Variants in OXR1 observed in about 807,000 individuals in gnomAD.
The protein encoded by OXR1 is oxidation resistance 1, also known as oxidation resistance protein 1.
A neutral mutation model predicts 104.6 loss-of-function variants in OXR1; 41 were observed. The ratio of observed to expected loss-of-function variants is 0.39; its 90% CI spans 0.31 to 0.51. The LOEUF is 0.51. Ranked by LOEUF, OXR1 falls within the 20% of genes least tolerant of loss-of-function variation. The probability of loss-of-function intolerance (pLI) is 0.77; values close to 1 mark genes in which losing one functional copy is unlikely to be tolerated. For missense variants in OXR1, 955 were observed against 1,031.9 expected (o/e 0.93, Z 1.02); for synonymous variants, 348 against 348.4 (o/e 1.00, Z 0.01).
chr8:106,552,307 C>A (rs1815904316), intron 3 of OXR1, among the ~76,000 whole-genome samples: 3 of 152,024 alleles, frequency 2.0e-5, no homozygotes, highest in South Asian at 4.2e-4. Flanking sequence ...GATGAGAAAC[C>A]AGATGATGCT....
chr8:106,316,713 CTATCATCTATCT>C (rs1421216426), intron 1 of OXR1, among the ~76,000 whole-genome samples: 10,288 of 113,386 alleles, frequency 0.091, 607 homozygotes, highest in African/African-American at 0.18. Flanking sequence ...ATCTATCTAT[CTATCATCTATCT>C]ATCTATCTAT....
chr8:106,281,409 C>T (rs1382732702), intron 1 of OXR1, among the ~76,000 whole-genome samples: 2 of 152,144 alleles, frequency 1.3e-5, no homozygotes, highest in Non-Finnish European at 2.9e-5. Context: ...TTTTATAGAC[C>T]TCACCACTGT....
intron 15 of OXR1, among the ~76,000 whole-genome samples, chr8:106,743,495 A>G (rs1835111534): frequency 6.6e-6 from 1 of 152,068 alleles, no homozygotes; most frequent in Non-Finnish European, 1.5e-5. Flanking sequence ...TAATTTTTGT[A>G]TTTTTAGTAG....
intron 2 of OXR1, among the ~76,000 whole-genome samples, chr8:106,411,819 C>T (rs1220092137): frequency 6.6e-6 from 1 of 152,078 alleles, no homozygotes; most frequent in Non-Finnish European, 1.5e-5. Flanking sequence ...GGGCCCCACC[C>T]ATTCAGGACT....
At chr8:106,627,221 G>A (rs1403853089) in intron 3 of OXR1, among the ~76,000 whole-genome samples, 4 of 152,158 alleles carry the variant, frequency 2.6e-5, no homozygotes, top group Non-Finnish European at 5.9e-5. Context: ...TGTTACATAA[G>A]AGAACATTCC....
chr8:106,379,039 G>A (rs10090538), intron 2 of OXR1, among the ~76,000 whole-genome samples: 6,515 of 152,206 alleles, frequency 0.043, 197 homozygotes, highest in African/African-American at 0.084. Flanking sequence ...TAAGTTAGCC[G>A]TAATTATGAC....
intron 2 of OXR1, among the ~76,000 whole-genome samples, chr8:106,396,926 G>C (rs967874195): frequency 6.6e-6 from 1 of 151,988 alleles, no homozygotes; most frequent in Non-Finnish European, 1.5e-5. Context: ...AAAAACAAAT[G>C]AATGCTGTGT....
At chr8:106,458,568 G>A (rs1820735056) in intron 2 of OXR1, among the ~76,000 whole-genome samples, 1 of 152,152 alleles carries the variant, frequency 6.6e-6, no homozygotes, top group African/African-American at 2.4e-5. Flanking sequence ...GGAGCCATGA[G>A]AGTGGGGCCA....
intron 3 of OXR1, among the ~76,000 whole-genome samples, chr8:106,649,089 C>T (rs1824324585): frequency 6.6e-6 from 1 of 152,080 alleles, no homozygotes; most frequent in Admixed American, 6.6e-5. Flanking sequence ...CCTATGGTCC[C>T]AGCTACTTAG....
At chr8:106,644,285 A>G (rs1323920248) in intron 3 of OXR1, among the ~76,000 whole-genome samples, 1 of 152,230 alleles carries the variant, frequency 6.6e-6, no homozygotes, top group Non-Finnish European at 1.5e-5. Flanking sequence ...GAATATAGAC[A>G]TGGCAAGAGA....
chr8:106,531,260 C>A (rs887600555), intron 3 of OXR1, among the ~76,000 whole-genome samples: 3 of 152,230 alleles, frequency 2.0e-5, no homozygotes, highest in South Asian at 2.1e-4. Flanking sequence ...ACTCTTTTAA[C>A]TAATGTAACA....
At chr8:106,503,752 G>A (rs1811968065) in intron 2 of OXR1, among the ~76,000 whole-genome samples, 1 of 152,094 alleles carries the variant, frequency 6.6e-6, no homozygotes, top group Non-Finnish European at 1.5e-5. Flanking sequence ...GGCAAGATGT[G>A]GCCTTACAAG....
chr8:106,735,281 G>A (rs1185202364), intron 11 of OXR1, among the ~76,000 whole-genome samples: 4 of 151,346 alleles, frequency 2.6e-5, no homozygotes, highest in Non-Finnish European at 4.4e-5. Context: ...TAAGGTTAAG[G>A]AAGCAGAAAG....
rs142428666 is a variant in OXR1 at position 106,507,066 on chromosome 8, C to T, written c.24-11877C>T. ...AACAGCTGCCCTCCAGCCTAGGAGA[C>T]ACAGTGAGAGCCTGTCTCTTAAAAA... On this transcript the variant is annotated intron_variant, in intron 2 of 16. Coordinates refer to ENST00000517566, the MANE Select transcript of OXR1 (RefSeq NM_001198533.2). Among the ~76,000 whole-genome samples the T allele has an allele frequency of 3.8e-4, 57 of 151,914 alleles. No individual in the cohort carries two copies. The East Asian group carries it at 0.011, about 29-fold the overall frequency.
chr8:106,556,676 C>CA (rs1181234275), intron 3 of OXR1, among the ~76,000 whole-genome samples: 1 of 151,954 alleles, frequency 6.6e-6, no homozygotes, highest in Non-Finnish European at 1.5e-5. Context: ...AATCAAAAGG[C>CA]AAAAAAGGAA....
At position 106,706,698 on chromosome 8, in the gene OXR1, C is replaced by A; in HGVS notation, c.1177C>A (p.His393Asn). Residue 393 changes from histidine (H) to asparagine (N), a missense_variant, in exon 9 of 17, where the codon CAC (histidine) becomes AAC (asparagine). Around this residue, in one of 2 missense-constraint regions of OXR1, gnomAD observed 849 missense variants for 852.9 expected, o/e 1.00. Transcript: ENST00000517566. ...ATCAGAATCTACTGGTACTCCTGGT[C>A]ACTTAAGATCTGATACTGAACATTC... ...VKSESTGTPG[H>N]LRSDTEHSTN... 6.2e-7 allele frequency: 1 copy of A among 1,611,968 alleles called. No individual in the cohort carries two copies. The highest frequency in any genetic ancestry group is 1.1e-5 in the South Asian group (1 of 90,590).
At chr8:106,369,915 T>A (rs1166901172) in intron 2 of OXR1, among the ~76,000 whole-genome samples, 1 of 152,184 alleles carries the variant, frequency 6.6e-6, no homozygotes. Flanking sequence ...TTAAAATAGT[T>A]TTTTTCTAAT....
intron 3 of OXR1, among the ~76,000 whole-genome samples, chr8:106,671,645 A>T (rs1826992490): frequency 1.3e-5 from 2 of 152,144 alleles, no homozygotes; most frequent in Admixed American, 6.5e-5. Flanking sequence ...GCCATAAAAA[A>T]TGATGAGTTC....
At chr8:106,457,967 GAA>G (rs1259283589) in intron 2 of OXR1, among the ~76,000 whole-genome samples, 3 of 152,090 alleles carry the variant, frequency 2.0e-5, no homozygotes, top group Admixed American at 6.6e-5. Context: ...CGAGTGGAGA[GAA>G]ATGATTTAAA....
Sources: allele counts gnomAD v4.1 joint callset (sites outside exome capture counted in the v4.1 genomes callset), GRCh38; gene constraint gnomAD v4.1.1; regional missense constraint gnomAD v4.1.1; transcripts MANE v1.5; gene names NCBI Gene and HGNC (gene_info 2026-07-23, HGNC 2026-07-21).